GRIP1: variants seen among roughly 807,000 people sequenced by gnomAD.
GRIP1 encodes the protein glutamate receptor interacting protein 1, also known as glutamate receptor-interacting protein 1.
GRIP1 carries 45 observed loss-of-function variants against 129.9 expected under a neutral mutation model. That is an observed-to-expected ratio of 0.35 (90% CI 0.27 to 0.44). GRIP1 has a LOEUF of 0.44. Ranked by LOEUF, GRIP1 falls within the 20% of genes least tolerant of loss-of-function variation. GRIP1 has a pLI of 1.00. For missense variants in GRIP1, 1,196 were observed against 1,396.8 expected (o/e 0.86, Z 2.29); for synonymous variants, 530 against 520.8 (o/e 1.02, Z -0.24).
At chr12:66,953,432 C>A (rs2041791346) in intron 1 of GRIP1, among the ~76,000 whole-genome samples, 1 of 152,136 alleles carries the variant, frequency 6.6e-6, no homozygotes, top group Admixed American at 6.5e-5. Context: ...TGGCAGCAAC[C>A]TGTGAATTGG....
intron 2 of GRIP1, among the ~76,000 whole-genome samples, chr12:66,575,437 T>C (rs1179322677): frequency 1.3e-5 from 2 of 152,198 alleles, no homozygotes; most frequent in Non-Finnish European, 2.9e-5. Context: ...GTGTTTATTT[T>C]TCGGTATCCT....
chr12:66,742,787 T>C (rs1699843712), intron 1 of GRIP1, among the ~76,000 whole-genome samples: 1 of 152,048 alleles, frequency 6.6e-6, no homozygotes, highest in Non-Finnish European at 1.5e-5. Flanking sequence ...CATGATGAGG[T>C]AATAAAAAAT....
intron 1 of GRIP1, among the ~76,000 whole-genome samples, chr12:67,029,971 C>T (rs774025248): frequency 2.0e-5 from 3 of 149,714 alleles, no homozygotes; most frequent in East Asian, 3.9e-4. Context: ...AGGGCCAAGG[C>T]GGGTGGATCA....
At chr12:66,618,798 G>A (rs182991366) in intron 1 of GRIP1, among the ~76,000 whole-genome samples, 4 of 152,156 alleles carry the variant, frequency 2.6e-5, no homozygotes, top group Admixed American at 6.6e-5. Context: ...AGGAATTAAA[G>A]CTTATTGGAT....
At chr12:66,361,100 G>A (rs538189041) in intron 23 of GRIP1, among the ~76,000 whole-genome samples, 14 of 152,288 alleles carry the variant, frequency 9.2e-5, no homozygotes, top group Admixed American at 2.6e-4. Flanking sequence ...GGAAGAAAAC[G>A]AAATAGAATA....
intron 15 of GRIP1, among the ~76,000 whole-genome samples, chr12:66,407,589 G>C (rs897509616): frequency 2.0e-5 from 3 of 152,148 alleles, no homozygotes; most frequent in African/African-American, 7.2e-5. Context: ...GTGCTACCCT[G>C]TCACAGCGGA....
In GRIP1 at chr12:66,569,878, C is replaced by G. The variant is rs189582193; in HGVS notation, c.136+26969G>C. 5.1e-3 allele frequency among the ~76,000 whole-genome samples: 776 copies of G among 152,216 alleles called. 4 individuals are homozygous for G. The highest frequency in any genetic ancestry group is 9.4e-3 in the Non-Finnish European group (639 of 68,022). On this transcript the variant is annotated intron_variant, in intron 2 of 24. Coordinates refer to ENST00000359742, the MANE Select transcript of GRIP1 (RefSeq NM_001366722.1). ...AACAGTTTAGACAACAGTACATATT[C>G]CCTCCTCAGGTTTATTTCAGGTTCT...
chr12:66,495,327 G>A (rs1378774971), intron 7 of GRIP1, among the ~76,000 whole-genome samples: 1 of 152,190 alleles, frequency 6.6e-6, no homozygotes, highest in African/African-American at 2.4e-5. Context: ...GCGAGCAGGA[G>A]GGAGCCAGAC....
At chr12:66,981,846 T>C (rs1424738228) in intron 1 of GRIP1, among the ~76,000 whole-genome samples, 1 of 152,206 alleles carries the variant, frequency 6.6e-6, no homozygotes, top group African/African-American at 2.4e-5. Flanking sequence ...GACAGCCTAC[T>C]GGAAAAGAAA....
chr12:66,484,711 G>A (rs1026167964), intron 7 of GRIP1, among the ~76,000 whole-genome samples: 1 of 152,150 alleles, frequency 6.6e-6, no homozygotes, highest in East Asian at 1.9e-4. Context: ...AGGTTGCTTA[G>A]TGGGTATAAA....
In GRIP1 at chr12:66,868,481, G is replaced by A. The variant is rs1393880773; in HGVS notation, c.58+200569C>T. 3.3e-5 allele frequency among the ~76,000 whole-genome samples: 5 copies of A among 151,926 alleles called. No homozygotes were observed. In the East Asian group the frequency reaches 5.8e-4, roughly 18 times the overall value. ...ACAGATGAGGAAATTGTAGCCCCAC[G>A]AACTTAAGAATGTTACCCACAGAGA... On this transcript the variant is annotated intron_variant, in intron 1 of 1. Coordinates refer to the GRIP1 transcript ENST00000643019.
upstream of GRIP1, among the ~76,000 whole-genome samples, chr12:66,808,747 T>A (rs113801279): frequency 0.012 from 1,758 of 152,248 alleles, 32 homozygotes; most frequent in African/African-American, 0.039. Flanking sequence ...AGCTGAGTGG[T>A]GGCTGCCTGC....
Position 66,596,833 on chromosome 12 carries a change from C to T in GRIP1, c.136+14G>A. The T allele has an allele frequency of 1.3e-6, 2 of 1,565,994 alleles. No homozygotes were observed. Among genetic ancestry groups the T allele is most frequent in the Non-Finnish European group, 8.8e-7 (1 of 1,136,062 alleles). ...AAAGTAAAACAGCTGAAAAATCCAA[C>T]AGTCTGGTCTAACCTGGGATGCTCT... On this transcript the variant is annotated intron_variant, in intron 2 of 24. Transcript: ENST00000359742.
chr12:66,444,127 A>C (rs2058547433), intron 13 of GRIP1, among the ~76,000 whole-genome samples: 1 of 152,236 alleles, frequency 6.6e-6, no homozygotes, highest in African/African-American at 2.4e-5. Flanking sequence ...GGAATAATCC[A>C]AAACAATGTT....
At chr12:66,562,231 T>C (rs572221145) in intron 2 of GRIP1, among the ~76,000 whole-genome samples, 1 of 152,320 alleles carries the variant, frequency 6.6e-6, no homozygotes, top group South Asian at 2.1e-4. Flanking sequence ...AAGAAAAATG[T>C]CAGTGAAATA....
intron 1 of GRIP1, among the ~76,000 whole-genome samples, chr12:66,634,293 C>T (rs1348531659): frequency 6.6e-6 from 1 of 152,114 alleles, no homozygotes; most frequent in Non-Finnish European, 1.5e-5. Context: ...TGTTAAATAA[C>T]CATTCCTTTT....
intron 1 of GRIP1, among the ~76,000 whole-genome samples, chr12:66,890,869 G>C (rs1033427465): frequency 6.6e-6 from 1 of 152,180 alleles, no homozygotes; most frequent in East Asian, 1.9e-4. Flanking sequence ...TTGAAACACA[G>C]GCTGTGGATC....
At chr12:66,579,578 G>A (rs1418846925) in intron 2 of GRIP1, among the ~76,000 whole-genome samples, 1 of 152,208 alleles carries the variant, frequency 6.6e-6, no homozygotes, top group East Asian at 1.9e-4. Flanking sequence ...TGATGAAGCT[G>A]AAAGCCAAGG....
chr12:66,929,233 A>C (rs2041346825), intron 1 of GRIP1, among the ~76,000 whole-genome samples: 1 of 152,168 alleles, frequency 6.6e-6, no homozygotes, highest in African/African-American at 2.4e-5. Context: ...TTCTCTCTAA[A>C]GGCTCTTCTA....
Sources: gnomAD v4.1 joint callset for allele counts (sites outside exome capture counted in the v4.1 genomes callset) on GRCh38, gnomAD v4.1.1 for gene constraint, MANE v1.5 for transcripts, NCBI Gene and HGNC (gene_info 2026-07-23, HGNC 2026-07-21) for gene names.